Variants in TENM3 observed in about 807,000 individuals in gnomAD.
The protein encoded by TENM3 is teneurin transmembrane protein 3, also known as teneurin-3.
In TENM3, 63 loss-of-function variants were observed where a neutral mutation model predicts 255.1. The observed-to-expected ratio is 0.25, with a 90% CI of 0.20 to 0.30. The LOEUF is 0.30. Ranked by LOEUF, TENM3 falls within the 10% of genes least tolerant of loss-of-function variation. TENM3 has a pLI of 1.00. For missense variants in TENM3, 2,929 were observed against 3,461.1 expected, an observed-to-expected ratio of 0.85 and a Z score of 3.86; for synonymous variants, 1,306 against 1,322.3, an observed-to-expected ratio of 0.99 and a Z score of 0.27.
chr4:182,464,663 A>C (rs1216703901), intron 3 of TENM3, among the ~76,000 whole-genome samples: 1 of 152,232 alleles, frequency 6.6e-6, no homozygotes, highest in Non-Finnish European at 1.5e-5. Context: ...TCGATTTAGT[A>C]TTTTAAAGGT....
At chr4:181,610,314 C>T in the TENM3 span, among the ~76,000 whole-genome samples, 14 of 152,142 alleles carry the variant, frequency 9.2e-5, no homozygotes, top group East Asian at 1.9e-3. Context: ...ATTTGTGAGG[C>T]GTGTATAAGA....
At chr4:181,795,543 G>A in the TENM3 span, among the ~76,000 whole-genome samples, 3 of 152,172 alleles carry the variant, frequency 2.0e-5, no homozygotes, top group Admixed American at 6.5e-5. Flanking sequence ...AATGAAGACT[G>A]ATGTGATATG....
chr4:182,318,813 G>T (rs1475182607), intron 1 of TENM3, among the ~76,000 whole-genome samples: 2 of 152,170 alleles, frequency 1.3e-5, no homozygotes, highest in Non-Finnish European at 2.9e-5. Context: ...TGTTGCCTGG[G>T]CTGGAGTGCA....
At chr4:182,573,129 A>G (rs1744572623) in intron 3 of TENM3, among the ~76,000 whole-genome samples, 1 of 152,138 alleles carries the variant, frequency 6.6e-6, no homozygotes, top group Non-Finnish European at 1.5e-5. Context: ...CATTTTCTAC[A>G]TTAGAAAAGT....
At chr4:181,531,794 A>G in the TENM3 span, among the ~76,000 whole-genome samples, 2 of 152,246 alleles carry the variant, frequency 1.3e-5, no homozygotes, top group African/African-American at 4.8e-5. Context: ...GGGAGTGTGC[A>G]GAAGGCTTCC....
the TENM3 span, among the ~76,000 whole-genome samples, chr4:182,007,547 C>T: frequency 6.6e-6 from 1 of 151,836 alleles, no homozygotes; most frequent in East Asian, 1.9e-4. Context: ...GATTGCAACC[C>T]CTGCTTTATT....
chr4:182,000,792 C>T, the TENM3 span, among the ~76,000 whole-genome samples: 13 of 149,956 alleles, frequency 8.7e-5, no homozygotes, highest in Admixed American at 2.6e-4. Flanking sequence ...GAGAAGTCAG[C>T]GATGTTAGGC....
intron 1 of TENM3, among the ~76,000 whole-genome samples, chr4:182,264,645 G>A (rs1382086395): frequency 9.2e-5 from 14 of 152,110 alleles, no homozygotes; most frequent in Non-Finnish European, 1.3e-4. Context: ...GTCATTTCTC[G>A]TTTGATTATC....
chr4:182,256,116 A>G (rs1758379290), intron 1 of TENM3, among the ~76,000 whole-genome samples: 2 of 152,324 alleles, frequency 1.3e-5, no homozygotes, highest in South Asian at 2.1e-4. Context: ...TTGCAAAATG[A>G]TGATGTTCTT....
chr4:181,739,535 G>A, the TENM3 span, among the ~76,000 whole-genome samples: 4 of 152,120 alleles, frequency 2.6e-5, no homozygotes, highest in East Asian at 1.9e-4. Flanking sequence ...TGCACTGAGA[G>A]CCTGCAAGTC....
chr4:182,267,762 A>G (rs1163922841), intron 1 of TENM3, among the ~76,000 whole-genome samples: 1 of 152,146 alleles, frequency 6.6e-6, no homozygotes, highest in Non-Finnish European at 1.5e-5. Flanking sequence ...TTCTTGCTAC[A>G]CTTTATACAA....
At chr4:181,643,582 A>G in the TENM3 span, among the ~76,000 whole-genome samples, 1 of 152,042 alleles carries the variant, frequency 6.6e-6, no homozygotes, top group Non-Finnish European at 1.5e-5. Context: ...TAATTGGACT[A>G]AGGAGTTGAC....
the TENM3 span, among the ~76,000 whole-genome samples, chr4:181,796,213 A>T: frequency 6.6e-6 from 1 of 152,162 alleles, no homozygotes; most frequent in Admixed American, 6.5e-5. Flanking sequence ...CCTTATAGTC[A>T]TCGATTCCTT....
chr4:182,773,392 T>C, intron 22 of TENM3, 80 bp from the exon 23 acceptor site: 1 of 1,305,932 alleles, frequency 7.7e-7, no homozygotes, highest in Non-Finnish European at 1.1e-6. Context: ...GTGCAACTAA[T>C]ATTGCTACAC....
At chr4:182,469,316 T>C (rs1732897188) in intron 3 of TENM3, among the ~76,000 whole-genome samples, 1 of 152,114 alleles carries the variant, frequency 6.6e-6, no homozygotes, top group Admixed American at 6.5e-5. Flanking sequence ...GCATTTTTAG[T>C]TCACGTAATT....
In TENM3 at chr4:182,199,508, G is replaced by C. The variant is rs145544630; in HGVS notation, c.-76+54754G>C. ...GCAAAAATCATTGGTGGTTAGCGAG[G>C]AAGATTAAACTCGCCCAGATACAAT... On this transcript the variant is annotated intron_variant, in intron 1 of 2. Coordinates refer to the TENM3 transcript ENST00000512480. Among the ~76,000 whole-genome samples, 357 of 152,222 alleles carry C rather than the reference G, an allele frequency of 2.3e-3. 1 individual carries two copies. The highest frequency in any genetic ancestry group is 7.6e-3 in the African/African-American group (314 of 41,512).
chr4:181,510,152 A>G, the TENM3 span, among the ~76,000 whole-genome samples: 7 of 152,378 alleles, frequency 4.6e-5, no homozygotes, highest in Non-Finnish European at 8.8e-5. Context: ...CAGTGGCTAC[A>G]TGGAACTCAG....
Position 182,665,651 on chromosome 4 carries a change from A to G in TENM3, c.1112-7354A>G, listed in dbSNP as rs181039059. Among the ~76,000 whole-genome samples the G allele has an allele frequency of 3.8e-3, 580 of 152,144 alleles. 2 individuals are homozygous for G. The highest frequency in any genetic ancestry group is 0.013 in the African/African-American group (534 of 41,516). On this transcript the variant is annotated intron_variant, in intron 6 of 27. Transcript: ENST00000511685. ...TGGCTCACACCTGTAATCCCAGCAC[A>G]TTGGGAGGCTGAGGCGGGCGGATCA...
At chr4:182,361,910 T>C (rs766297282) in intron 3 of TENM3, among the ~76,000 whole-genome samples, 1 of 152,196 alleles carries the variant, frequency 6.6e-6, no homozygotes, top group Non-Finnish European at 1.5e-5. Flanking sequence ...GGATGTCCTT[T>C]CTGTTTGATA....
Sources: gnomAD v4.1 joint callset for allele counts (sites outside exome capture counted in the v4.1 genomes callset) on GRCh38, gnomAD v4.1.1 for gene constraint, MANE v1.5 for transcripts, NCBI Gene and HGNC (gene_info 2026-07-23, HGNC 2026-07-21) for gene names.